The following DYNC2H1 variants were observed in gnomAD, a reference collection of about 807,000 sequenced individuals.
The protein encoded by DYNC2H1 is dynein cytoplasmic 2 heavy chain 1.
In DYNC2H1, 410 loss-of-function variants were observed where a neutral mutation model predicts 570.0. That is an observed-to-expected ratio of 0.72 (90% CI 0.66 to 0.78). The LOEUF (loss-of-function observed/expected upper bound fraction) is 0.78. DYNC2H1 is among the 30% of genes least tolerant of loss of function. DYNC2H1 has a pLI of 0.00. For synonymous variants in DYNC2H1, 1,688 were observed against 1,677.6 expected, an observed-to-expected ratio of 1.01 and a Z score of -0.15; for missense variants, 4,865 against 5,046.4, an observed-to-expected ratio of 0.96 and a Z score of 1.09.
At chr11:103,148,314 ATTTCT>A (rs1193818242) in intron 19 of DYNC2H1, among the ~76,000 whole-genome samples, 171 bp from the exon 20 acceptor site, 1 of 152,206 alleles carries the variant, frequency 6.6e-6, no homozygotes, top group Non-Finnish European at 1.5e-5. Context: ...ATGGGAAGAA[ATTTCT>A]TTGCTTATTC....
At chr11:103,401,099 A>T (rs538962594) in intron 84 of DYNC2H1, among the ~76,000 whole-genome samples, 30 of 152,280 alleles carry the variant, frequency 2.0e-4, no homozygotes, top group African/African-American at 6.7e-4. Flanking sequence ...AACTCGTTTA[A>T]TCATCACAGT....
At chr11:103,404,122 T>C (rs929684426) in intron 84 of DYNC2H1, 2 of 151,928 alleles carry the variant, frequency 1.3e-5, no homozygotes, top group African/African-American at 4.8e-5. Flanking sequence ...TCTTCCATAA[T>C]AGGGGATGTA....
chr11:103,419,090 C>G (rs963079553), intron 84 of DYNC2H1, among the ~76,000 whole-genome samples: 2 of 151,714 alleles, frequency 1.3e-5, no homozygotes, highest in African/African-American at 4.9e-5. Flanking sequence ...ACCCACTGGC[C>G]TGGAATTCTG....
rs1865966379 is a variant in DYNC2H1, at chr11:103,277,671, G to T, written c.10696-2677G>T. ...TCTTTTGGAGTTCTTTGAGAACAGG[G>T]TTAGGGGAGTAGTTCTCTAAAGCAA... On this transcript the variant is annotated intron_variant, in intron 70 of 88. Coordinates refer to ENST00000375735, the MANE Select transcript of DYNC2H1 (RefSeq NM_001377.3). The surrounding 1 kb of genome is among the most constrained non-coding windows in gnomAD (Gnocchi z 4.3). Among the ~76,000 whole-genome samples the T allele has an allele frequency of 6.6e-6, 1 of 152,118 alleles. No individual in the cohort carries two copies. Among genetic ancestry groups the T allele is most frequent in the South Asian group, 2.1e-4 (1 of 4,832 alleles).
chr11:103,325,071 C>T lies in DYNC2H1; in HGVS notation c.12039+1081C>T, dbSNP rs1473014140. ...TTTTAATGGGCTTGTTTGTTTTTTG[C>T]TTGTTAATTTCTTTAAGTTCCTTAT... On this transcript the variant is annotated intron_variant, in intron 82 of 88. Transcript: ENST00000375735. This position sits in a 1 kb window ranked among gnomAD's most constrained non-coding sequence, Gnocchi z 4.8. 6.6e-6 allele frequency among the ~76,000 whole-genome samples: 1 copy of T among 151,894 alleles called. No homozygotes were observed. Among genetic ancestry groups the T allele is most frequent in the Non-Finnish European group, 1.5e-5 (1 of 67,956 alleles).
In DYNC2H1 at chr11:103,326,344, G is replaced by A. The variant is rs1028644683; in HGVS notation, c.12039+2354G>A. On this transcript the variant is annotated intron_variant, in intron 82 of 88. Transcript: ENST00000375735. The surrounding 1 kb of genome is among the most constrained non-coding windows in gnomAD (Gnocchi z 6.1). ...CGGGTTTCTTTTGCTATGTGTTCGG[G>A]GTGGTTGGGCTCCCTCTGACAGGCT... is the stretch of plus-strand genomic sequence containing the variant. 1.1e-4 allele frequency among the ~76,000 whole-genome samples: 17 copies of A among 152,146 alleles called. No homozygotes were observed. Among genetic ancestry groups the A allele is most frequent in the African/African-American group, 4.1e-4 (17 of 41,424 alleles).
intron 84 of DYNC2H1, among the ~76,000 whole-genome samples, chr11:103,433,053 A>G (rs1042588666): frequency 3.3e-5 from 5 of 152,118 alleles, no homozygotes; most frequent in African/African-American, 1.2e-4. Flanking sequence ...AAGCACCACA[A>G]GGAACTTCAG....
rs771297555 is a variant in DYNC2H1 at position 103,177,666 on chromosome 11, G to A, written c.5985G>A (p.Ala1995=). ...CGCTTTGGAGAATGTTAAGGGCTGC[G>A]CTTTGTAAAACTGGCAAAGTAGTGA... ...KSTLWRMLRA[A]LCKTGKVVKQ... Residue 1995 remains alanine, a synonymous_variant, in exon 38 of 89, where the codon GCG becomes GCA. Transcript: ENST00000375735. This position sits in a 1 kb window ranked among gnomAD's most constrained non-coding sequence, Gnocchi z 4.4. 22 of 1,613,124 alleles carry A rather than the reference G, an allele frequency of 1.4e-5. No homozygotes were observed. The South Asian group carries it at 1.6e-4, about 12-fold the overall frequency.
Position 103,326,706 on chromosome 11 carries a change from CG to C in DYNC2H1, c.12039+2720del, listed in dbSNP as rs927824585. On this transcript the variant is annotated intron_variant, in intron 82 of 88. Coordinates refer to ENST00000375735, the MANE Select transcript of DYNC2H1 (RefSeq NM_001377.3). This position sits in a 1 kb window ranked among gnomAD's most constrained non-coding sequence, Gnocchi z 6.1. ...AGGCTGCGTTGTGCACACGATCCTG[CG>C]GGGTGGCTATGGAGGGGCTCGGCAG... is the stretch of plus-strand genomic sequence containing the variant. 2.6e-5 allele frequency among the ~76,000 whole-genome samples: 4 copies of C among 152,170 alleles called. No individual in the cohort carries two copies. The highest frequency in any genetic ancestry group is 7.2e-5 in the African/African-American group (3 of 41,442).
intron 59 of DYNC2H1, among the ~76,000 whole-genome samples, chr11:103,227,742 T>C (rs1001631001): frequency 1.5e-4 from 23 of 152,232 alleles, no homozygotes; most frequent in Admixed American, 9.2e-4. Flanking sequence ...CTTTGTTGAC[T>C]TTCTGTCTTG....
intron 82 of DYNC2H1, among the ~76,000 whole-genome samples, chr11:103,351,598 A>AT (rs146006529): frequency 0.052 from 7,955 of 152,026 alleles, 261 homozygotes; most frequent in Non-Finnish European, 0.076. Context: ...AAGATTATAT[A>AT]TTTTTTCTCC....
Position 103,117,848 on chromosome 11 carries a change from C to T in DYNC2H1, c.984C>T (p.Gly328=), listed in dbSNP as rs1858494499. 2 of 1,611,338 alleles carry T rather than the reference C, an allele frequency of 1.2e-6. No homozygotes were observed. The highest frequency in any genetic ancestry group is 1.7e-5 in the Admixed American group (1 of 59,900). The change falls in exon 6 of 89, where the codon GGC becomes GGT. Residue 328 remains glycine (G), a synonymous_variant. Transcript: ENST00000375735. ...KYFPETLDKL[G]KRLEEVLAIR... is the part of the protein sequence containing the mutation. Reference sequence around the variant, plus strand: ...TTCCAGAAACACTTGACAAACTTGGCAAACGCCTTGAAGAGGTATCAATTT... The same window carrying T: ...TTCCAGAAACACTTGACAAACTTGGTAAACGCCTTGAAGAGGTATCAATTT...
At chr11:103,144,679 C>T (rs1166069008) in intron 18 of DYNC2H1, among the ~76,000 whole-genome samples, 2 of 150,774 alleles carry the variant, frequency 1.3e-5, no homozygotes, top group Non-Finnish European at 3.0e-5. Flanking sequence ...GGGAGTCTTA[C>T]ATTCAAAAAT....
In DYNC2H1 at chr11:103,308,050, CACATA is replaced by C. The variant is rs553796138; in HGVS notation, c.11493+224_11493+228del. 2.2e-4 allele frequency among the ~76,000 whole-genome samples: 33 copies of C among 152,180 alleles called. 1 individual carries two copies. The South Asian group carries it at 6.6e-3, about 31-fold the overall frequency. Reference sequence around the variant, plus strand: ...TTTTTGTTTTTATTGTGGTAAGAAACACATAACATGACATTTGCTATCGTAACAAT... The same window carrying C: ...TTTTTGTTTTTATTGTGGTAAGAAACACATGACATTTGCTATCGTAACAAT... On this transcript the variant is annotated intron_variant, in intron 78 of 88. Coordinates refer to ENST00000375735, the MANE Select transcript of DYNC2H1 (RefSeq NM_001377.3).
intron 55 of DYNC2H1, among the ~76,000 whole-genome samples, chr11:103,216,161 G>A (rs1037974007): frequency 1.3e-5 from 2 of 151,910 alleles, no homozygotes; most frequent in African/African-American, 4.8e-5. Context: ...CATTTAGGTT[G>A]GTATTTCCTT....
intron 50 of DYNC2H1, among the ~76,000 whole-genome samples, chr11:103,202,956 G>A (rs1192857201): frequency 1.3e-5 from 2 of 151,926 alleles, no homozygotes; most frequent in Non-Finnish European, 2.9e-5. Flanking sequence ...TCATGATTTG[G>A]CCTGCATAGT....
intron 70 of DYNC2H1, among the ~76,000 whole-genome samples, chr11:103,279,696 C>G (rs1866055725): frequency 6.6e-6 from 1 of 152,122 alleles, no homozygotes; most frequent in Non-Finnish European, 1.5e-5. Context: ...TTATTGACAG[C>G]CTGTTTTTGG....
At chr11:103,115,588 A>G (rs1328704883) in intron 4 of DYNC2H1, among the ~76,000 whole-genome samples, 1 of 152,186 alleles carries the variant, frequency 6.6e-6, no homozygotes, top group Non-Finnish European at 1.5e-5. Context: ...ACTTGAGGTC[A>G]GGAGTTCGAG....
At position 103,439,798 on chromosome 11, in the gene DYNC2H1, A is replaced by G. The variant is rs1287575122; in HGVS notation, c.12456+3766A>G. Among the ~76,000 whole-genome samples, 1 of 152,110 alleles carries G rather than the reference A, an allele frequency of 6.6e-6. No individual in the cohort carries two copies. Among genetic ancestry groups the G allele is most frequent in the African/African-American group, 2.4e-5 (1 of 41,430 alleles). On this transcript the variant is annotated intron_variant, in intron 85 of 88. Transcript: ENST00000375735. This position sits in a 1 kb window ranked among gnomAD's most constrained non-coding sequence, Gnocchi z 4.1. ...CTGTCTGCTGAATGAATGAATGAAC[A>G]AAGGAATTAACAAATGAATGGACTG...
Sources: gnomAD v4.1 joint callset for allele counts (sites outside exome capture counted in the v4.1 genomes callset) on GRCh38, gnomAD v4.1.1 for gene constraint, Gnocchi (gnomAD v3.1) non-coding constraint, MANE v1.5 for transcripts, NCBI Gene and HGNC (gene_info 2026-07-23, HGNC 2026-07-21) for gene names.